The following C5 variants were observed in gnomAD, a reference collection of about 807,000 sequenced individuals.
The protein encoded by C5 is C3 and PZP-like alpha-2-macroglobulin domain-containing protein 4.
A neutral mutation model predicts 218.8 loss-of-function variants in C5; 140 were observed. The observed-to-expected ratio is 0.64, with a 90% CI of 0.56 to 0.74. The LOEUF is 0.74. Among genes scored for constraint, C5 ranks in the 30% least tolerant of loss-of-function variants. C5 has a pLI of 0.00. For synonymous variants in C5, 614 were observed against 682.3 expected (o/e 0.90, Z 1.56); for missense variants, 1,700 against 1,969.6 (o/e 0.86, Z 2.59).
chr9:120,952,954 T>G (rs2046756339), intron 40 of C5, 86 bp from the exon 41 acceptor site: 1 of 1,462,806 alleles, frequency 6.8e-7, no homozygotes. Context: ...GACGGAGTCT[T>G]GCTCAGTCGC....
intron 17 of C5, among the ~76,000 whole-genome samples, chr9:121,013,616 A>C (rs2047281248): frequency 1.3e-5 from 2 of 152,198 alleles, no homozygotes; most frequent in African/African-American, 4.8e-5. Context: ...AGAGAGGATA[A>C]ATAATCATTC....
intron 3 of C5, 33 bp from the exon 4 acceptor site, chr9:121,037,984 G>A (rs768010705): frequency 1.0e-6 from 1 of 987,216 alleles, no homozygotes; most frequent in Non-Finnish European, 1.5e-6. Context: ...CAAAAACTCT[G>A]CTAAAAACAA....
chr9:120,980,455 G>A (rs1035144412), intron 27 of C5, among the ~76,000 whole-genome samples: 1 of 152,100 alleles, frequency 6.6e-6, no homozygotes, highest in Non-Finnish European at 1.5e-5. Flanking sequence ...GGGACAATGA[G>A]GTTGTCCAAA....
At chr9:120,967,728 T>TA (rs2046879646) in intron 33 of C5, among the ~76,000 whole-genome samples, 1 of 152,082 alleles carries the variant, frequency 6.6e-6, no homozygotes, top group Admixed American at 6.6e-5. Flanking sequence ...TTTTTCTTTT[T>TA]TTTTTTATTT....
intron 36 of C5, among the ~76,000 whole-genome samples, chr9:120,962,012 G>T (rs979072834): frequency 1.3e-5 from 2 of 152,056 alleles, no homozygotes; most frequent in African/African-American, 4.8e-5. Flanking sequence ...TCAGAGTTTT[G>T]GTTCACTTCA....
At chr9:121,006,667 A>AC (rs1455718315) in intron 19 of C5, among the ~76,000 whole-genome samples, 2 of 151,998 alleles carry the variant, frequency 1.3e-5, no homozygotes, top group African/African-American at 4.8e-5. Flanking sequence ...ACATAGCGAG[A>AC]CCCCTTCTTC....
chr9:121,069,720 T>C, the C5 span, among the ~76,000 whole-genome samples: 3 of 151,928 alleles, frequency 2.0e-5, no homozygotes, highest in Non-Finnish European at 4.4e-5. Context: ...CACTATCTTC[T>C]CCAGGCTGGT....
chr9:121,006,863 A>T (rs945766303), intron 19 of C5, 41 bp downstream of exon 19: 1 of 1,278,528 alleles, frequency 7.8e-7, no homozygotes, highest in Non-Finnish European at 1.1e-6. Context: ...CTTGCTAATC[A>T]AATCACTATT....
chr9:120,963,638 C>A lies in C5; in HGVS notation c.4321G>T (p.Ala1441Ser), dbSNP rs143886761. 136 of 1,605,424 alleles carry A rather than the reference C, an allele frequency of 8.5e-5. 1 individual carries two copies. In the Middle Eastern group the frequency reaches 1.7e-3, roughly 20 times the overall value. Reference sequence around the variant, plus strand: ...ACGATTTAAAAGAAAACACATACGGCTTTTAAGTCTTCTTCATTTGCACTG... The same window carrying A: ...ACGATTTAAAAGAAAACACATACGGATTTTAAGTCTTCTTCATTTGCACTG... ...GISANEEDLK[A>S]LVEGVDQLFT... Residue 1441 changes from alanine to serine, a missense_variant and splice_region_variant, in exon 34 of 41, where the codon GCC becomes TCC. Physicochemically the swap from Ala to Ser is moderately conservative, Grantham distance 99. Transcript: ENST00000223642.
the C5 span, among the ~76,000 whole-genome samples, chr9:121,071,696 C>T: frequency 6.6e-6 from 1 of 152,090 alleles, no homozygotes; most frequent in Non-Finnish European, 1.5e-5. Context: ...AAAAACAAAA[C>T]AACAAAATCA....
At chr9:120,962,398 C>T (rs1223250096) in intron 36 of C5, among the ~76,000 whole-genome samples, 5 of 152,076 alleles carry the variant, frequency 3.3e-5, no homozygotes, top group Admixed American at 1.3e-4. Flanking sequence ...AAACCTGAGG[C>T]AAAGAATATT....
At chr9:120,996,197 A>G (rs2047115220) in intron 22 of C5, 43 bp downstream of exon 22, 1 of 1,414,556 alleles carries the variant, frequency 7.1e-7, no homozygotes, top group African/African-American at 1.4e-5. Flanking sequence ...TTTAACTTCT[A>G]AAGCAAAAGA....
chr9:120,961,604 T>C (rs774635175), intron 36 of C5, 39 bp from the exon 37 acceptor site: 7 of 1,275,124 alleles, frequency 5.5e-6, no homozygotes. Context: ...AGTGGTTTGA[T>C]TGAAGAACAA....
Position 120,989,131 on chromosome 9 carries a change from A to C in C5, c.3155-10T>G, listed in dbSNP as rs779605403. On this transcript the variant is annotated splice_polypyrimidine_tract_variant and intron_variant, in intron 24 of 40. Transcript: ENST00000223642. The stretch of plus-strand genomic sequence containing the variant: ...ATAATGCTCAACATCCCTAAGAAGC[A>C]CAAGAAAAAGAACACGGTGCTTAAC... 6.2e-7 allele frequency: 1 copy of C among 1,609,882 alleles called. No individual in the cohort carries two copies. Among genetic ancestry groups the C allele is most frequent in the Non-Finnish European group, 8.5e-7 (1 of 1,176,104 alleles).
chr9:121,015,510 A>G (rs2047299745), intron 15 of C5, among the ~76,000 whole-genome samples: 1 of 152,172 alleles, frequency 6.6e-6, no homozygotes, highest in Non-Finnish European at 1.5e-5. Context: ...TGAATCCTGC[A>G]GCCTCTCTGA....
chr9:121,018,740 G>GGAAA lies in C5; in HGVS notation c.1507-892_1507-889dup, dbSNP rs1284531719. ...AAGAAAGAAAGAAGGAAGGAAGGAAGGAAAGGAAGGAAGGAAGGAAGGAAG... is the reference window on the plus strand; with the variant it reads ...AAGAAAGAAAGAAGGAAGGAAGGAAGGAAAGAAAGGAAGGAAGGAAGGAAGGAAG... On this transcript the variant is annotated intron_variant, in intron 12 of 40. Coordinates refer to ENST00000223642, the MANE Select transcript of C5 (RefSeq NM_001735.3). Among the ~76,000 whole-genome samples, 522 of 85,278 alleles carry GGAAA rather than the reference G, an allele frequency of 6.1e-3. 25 individuals carry two copies. The highest frequency in any genetic ancestry group is 0.026 in the African/African-American group (441 of 16,918). 55.9% of individuals were successfully genotyped at this position (85,278 alleles called of 152,430 possible).
chr9:120,992,279 A>T (rs973178114), intron 22 of C5, among the ~76,000 whole-genome samples: 5 of 152,268 alleles, frequency 3.3e-5, no homozygotes, highest in Non-Finnish European at 4.4e-5. Context: ...AATGCAGAGG[A>T]TATATCAAAA....
At position 120,952,614 on chromosome 9, in the gene C5, TAAGTA is replaced by T. The variant is rs2046752405; in HGVS notation, c.*120_*124del. ...TAATAAAAGCAAGTGCCACTAATTC[TAAGTA>T]AAGTGAGCTTTACAAATAAGACCAG... On this transcript the variant is annotated 3_prime_UTR_variant, in exon 41 of 41. Coordinates refer to ENST00000223642, the MANE Select transcript of C5 (RefSeq NM_001735.3). 2 of 942,276 alleles carry T rather than the reference TAAGTA, an allele frequency of 2.1e-6. No individual in the cohort carries two copies. The highest frequency in any genetic ancestry group is 3.2e-6 in the Non-Finnish European group (2 of 616,754). 58.4% of individuals were successfully genotyped at this position (942,276 alleles called of 1,614,324 possible).
Position 121,013,893 on chromosome 9 carries a change from T to A in C5, c.2237A>T (p.Asp746Val). 6.2e-7 allele frequency: 1 copy of A among 1,614,144 alleles called. No homozygotes were observed. Among genetic ancestry groups the A allele is most frequent in the Non-Finnish European group, 8.5e-7 (1 of 1,179,994 alleles). ...SQLRANISHKDMQLGRLHMKT... is the reference protein window; with the variant it reads ...SQLRANISHKVMQLGRLHMKT... ...CTTACGTAGCCTTCCCAATTGCATG[T>A]CTTTATGAGAGATATTAGCACGGAG... Residue 746 changes from aspartate to valine, a missense_variant, in exon 17 of 41, where the codon GAC (aspartate) becomes GTC (valine). Physicochemically the swap from Asp to Val is radical, Grantham distance 152. Transcript: ENST00000223642.
Sources: gnomAD v4.1 joint callset for allele counts (sites outside exome capture counted in the v4.1 genomes callset) on GRCh38, gnomAD v4.1.1 for gene constraint, MANE v1.5 for transcripts, NCBI Gene and HGNC (gene_info 2026-07-23, HGNC 2026-07-21) for gene names.